The following PTOV1 variants were observed in gnomAD, a reference collection of about 807,000 sequenced individuals.
PTOV1 encodes PTOV1 extended AT-hook containing adaptor protein.
A neutral mutation model predicts 58.0 loss-of-function variants in PTOV1; 20 were observed. The ratio of observed to expected loss-of-function variants is 0.34; its 90% confidence interval spans 0.24 to 0.50. The LOEUF (loss-of-function observed/expected upper bound fraction) is 0.50, where lower values mean the gene tolerates loss of function less well. Among genes scored for constraint, PTOV1 ranks in the 20% least tolerant of loss-of-function variants. PTOV1 has a pLI of 0.98. For synonymous variants in PTOV1, 335 were observed against 234.2 expected, an observed-to-expected ratio of 1.43 and a Z score of -3.93; for missense variants, 593 against 565.4, an observed-to-expected ratio of 1.05 and a Z score of -0.50.
intron 5 of PTOV1, 64 bp from the exon 6 acceptor site, chr19:49,856,911 A>G (rs1045894062): frequency 6.3e-7 from 1 of 1,593,368 alleles, no homozygotes; most frequent in Admixed American, 1.7e-5. Flanking sequence ...GGGGCGGTCC[A>G]GGGTGGTGGG....
chr19:49,854,364 C>T (rs367852939), intron 1 of PTOV1, 42 bp from the exon 2 acceptor site: 39 of 1,581,592 alleles, frequency 2.5e-5, no homozygotes, highest in Non-Finnish European at 6.9e-6. Flanking sequence ...TCCTTGCAGG[C>T]CCCGGCCTCA....
exon 12 of PTOV1, chr19:49,860,381 T>TTG (rs1555809706): frequency 9.3e-6 from 3 of 321,458 alleles, no homozygotes; most frequent in African/African-American, 8.7e-5. Flanking sequence ...CTGGGGCATG[T>TTG]GGGGGGGGTG....
chr19:49,857,936 G>C (rs1313257682), exon 8 of PTOV1: 1 of 1,613,926 alleles, frequency 6.2e-7, no homozygotes, highest in East Asian at 2.2e-5. Flanking sequence ...GGTCCAAGAG[G>C]TGGCTGCCAT....
At position 49,856,935 on chromosome 19, in the gene PTOV1, C is replaced by T. The variant is rs550827533; in HGVS notation, c.559-40C>T. 2.9e-5 allele frequency: 47 copies of T among 1,608,148 alleles called. No individual in the cohort carries two copies. In the South Asian group the frequency reaches 3.1e-4, roughly 11 times the overall value. On this transcript the variant is annotated intron_variant, in intron 5 of 11. Transcript: ENST00000391842. ...CAGGGTGGTGGGGGCACAGTGGCCC[C>T]GGGCAGTGACCACAGGGTCCTGACC...
At chr19:49,856,384 C>G (rs1397158377) in intron 5 of PTOV1, 1 of 155,092 alleles carries the variant, frequency 6.4e-6, no homozygotes, top group Non-Finnish European at 1.4e-5. Flanking sequence ...TGGGGGTGGC[C>G]CGGTGTGGGG....
At chr19:49,854,297 A>G in intron 1 of PTOV1, 109 bp from the exon 2 acceptor site, 1 of 1,428,706 alleles carries the variant, frequency 7.0e-7, no homozygotes, top group Non-Finnish European at 9.5e-7. Context: ...GGCTTCCAGC[A>G]GGGGATTTGG....
chr19:49,851,974 T>C, intron 1 of PTOV1: 2 of 985,254 alleles, frequency 2.0e-6, no homozygotes, highest in Non-Finnish European at 2.4e-6. Flanking sequence ...GCCCGTGGAG[T>C]GCGCACCTAG....
At chr19:49,860,377 CATGT>C in exon 12 of PTOV1, 1 of 761,424 alleles carries the variant, frequency 1.3e-6, no homozygotes. Flanking sequence ...GACCCTGGGG[CATGT>C]GGGGGGGGTG....
At chr19:49,851,002 C>T (rs1187647298), upstream of PTOV1, 4 of 1,534,368 alleles carry the variant, frequency 2.6e-6, no homozygotes, top group Admixed American at 5.9e-5. Flanking sequence ...GTGGCTCGCG[C>T]GTCTTCCCAG....
chr19:49,857,913 G>A, exon 8 of PTOV1: 1 of 1,613,816 alleles, frequency 6.2e-7, no homozygotes, highest in Non-Finnish European at 8.5e-7. Flanking sequence ...GCCCAGGCCT[G>A]AGCCCAACAG....
In PTOV1 at chr19:49,855,046, AGG is replaced by A. The variant is rs1568641656; in HGVS notation, c.530_531del (p.Gly177AlafsTer22). 1 of 1,598,564 alleles carries A rather than the reference AGG, an allele frequency of 6.3e-7. No homozygotes were observed. The highest frequency in any genetic ancestry group is 8.5e-7 in the Non-Finnish European group (1 of 1,172,264). ...ACCAACAGAGACTGCGACTCGCTCA[AGG>A]GGCTCTGCCGCATCATGGGCAACGG... On this transcript the variant is annotated frameshift_variant, in exon 5 of 12. Coordinates refer to ENST00000391842, the Ensembl canonical transcript of PTOV1. LOFTEE classifies it high-confidence loss of function.
Position 49,858,539 on chromosome 19 carries a change from T to G in PTOV1, c.937-10T>G. 1 of 1,585,218 alleles carries G rather than the reference T, an allele frequency of 6.3e-7. No homozygotes were observed. The highest frequency in any genetic ancestry group is 8.6e-7 in the Non-Finnish European group (1 of 1,164,512). On this transcript the variant is annotated splice_polypyrimidine_tract_variant and intron_variant, in intron 9 of 11. Coordinates refer to ENST00000391842, the Ensembl canonical transcript of PTOV1. ...AAGCCAGAGCTGGGGGTCCCCTCGC[T>G]TCCCCGCAGACCACCCTAGTGCCGC...
intron 10 of PTOV1, 68 bp from the exon 11 acceptor site, chr19:49,859,918 A>G (rs1290646): frequency 0.54 from 828,425 of 1,542,698 alleles, 228,294 homozygotes; most frequent in African/African-American, 0.83. Context: ...CCACGGCATG[A>G]TGCCGTGGTT....
exon 1 of PTOV1, chr19:49,851,487 G>T: frequency 4.9e-6 from 6 of 1,219,922 alleles, no homozygotes; most frequent in Non-Finnish European, 6.1e-6. Context: ...GGGCCCGCTC[G>T]GCCCCTCCCA....
At chr19:49,854,975 C>G (rs745395094) in exon 5 of PTOV1, 2 of 1,599,444 alleles carry the variant, frequency 1.3e-6, no homozygotes, top group Non-Finnish European at 1.7e-6. Flanking sequence ...CCCAGACCAC[C>G]CTGGGCCCCC....
intron 4 of PTOV1, 40 bp from the exon 5 acceptor site, chr19:49,854,930 C>T (rs758964698): frequency 1.2e-6 from 2 of 1,603,442 alleles, no homozygotes; most frequent in Admixed American, 1.7e-5. Flanking sequence ...TGAGCACCCC[C>T]ATGCCTGGCT....
chr19:49,850,849 G>C (rs539152613), upstream of PTOV1: 124 of 1,534,958 alleles, frequency 8.1e-5, no homozygotes, highest in Non-Finnish European at 1.1e-4. Flanking sequence ...ATTTTGGCGC[G>C]GTCTCCTGGC....
At chr19:49,857,316 C>G (rs2074516832) in intron 6 of PTOV1, 186 bp downstream of exon 6, 1 of 803,554 alleles carries the variant, frequency 1.2e-6, no homozygotes, top group African/African-American at 1.7e-5. Context: ...CACTGGGCGG[C>G]TCTGCAGGGC....
intron 10 of PTOV1, among the ~76,000 whole-genome samples, chr19:49,859,552 A>G (rs2122278726): frequency 6.6e-6 from 1 of 152,010 alleles, no homozygotes; most frequent in South Asian, 2.1e-4. Context: ...AGCCTGGGCG[A>G]CAAGAGCGAA....
Sources: gnomAD v4.1 joint callset for allele counts (sites outside exome capture counted in the v4.1 genomes callset) on GRCh38, gnomAD v4.1.1 for gene constraint, MANE v1.5 for transcripts, NCBI Gene and HGNC (gene_info 2026-07-23, HGNC 2026-07-21) for gene names.